The following CFAP299 variants were observed in gnomAD, a reference collection of about 807,000 sequenced individuals.
CFAP299 encodes the protein cilia and flagella associated protein 299.
A neutral mutation model predicts 27.0 loss-of-function variants in CFAP299; 21 were observed. That is an observed-to-expected ratio of 0.78 (90% CI 0.55 to 1.12). The LOEUF (loss-of-function observed/expected upper bound fraction) is 1.12, where lower values mean the gene tolerates loss of function less well. Among genes scored for constraint, CFAP299 ranks in the 50% most tolerant of loss-of-function variants. The probability of loss-of-function intolerance (pLI) is 0.00; values close to 1 mark genes in which losing one functional copy is unlikely to be tolerated. For missense variants in CFAP299, 310 were observed against 276.6 expected, an observed-to-expected ratio of 1.12 and a Z score of -0.86; for synonymous variants, 104 against 98.1, an observed-to-expected ratio of 1.06 and a Z score of -0.36.
intron 2 of CFAP299, among the ~76,000 whole-genome samples, chr4:80,536,092 T>C (rs1201251909): frequency 6.6e-6 from 1 of 152,180 alleles, no homozygotes; most frequent in Non-Finnish European, 1.5e-5. Context: ...ATGGTTAACA[T>C]AATTTTGAGG....
At chr4:80,684,277 G>C (rs904257436) in intron 3 of CFAP299, among the ~76,000 whole-genome samples, 62 of 142,496 alleles carry the variant, frequency 4.4e-4, no homozygotes, top group African/African-American at 9.4e-4. Context: ...TTTTTTTTGG[G>C]GGGGGGGGAC....
At chr4:80,447,552 C>T (rs2110093303) in intron 2 of CFAP299, among the ~76,000 whole-genome samples, 2 of 152,176 alleles carry the variant, frequency 1.3e-5, no homozygotes, top group South Asian at 4.2e-4. Flanking sequence ...CCTGCCTCAG[C>T]TTGTAGCGGT....
chr4:80,446,260 G>A (rs1439116920), intron 2 of CFAP299, among the ~76,000 whole-genome samples: 5 of 152,134 alleles, frequency 3.3e-5, no homozygotes, highest in Non-Finnish European at 5.9e-5. Context: ...GAGGGTCAGG[G>A]GAAAGTGGCA....
At chr4:80,472,141 A>C (rs1730029735) in intron 2 of CFAP299, among the ~76,000 whole-genome samples, 5 of 152,186 alleles carry the variant, frequency 3.3e-5, no homozygotes, top group Admixed American at 3.3e-4. Context: ...CAGGAGAGGG[A>C]GTTGTTTTCA....
intron 3 of CFAP299, among the ~76,000 whole-genome samples, chr4:80,688,452 C>T (rs200266059): frequency 1.1e-4 from 17 of 151,898 alleles, no homozygotes; most frequent in Admixed American, 3.3e-4. Context: ...CACAGCCGGC[C>T]GGGTACTCCA....
rs115147201 is a variant in CFAP299 at position 80,562,551 on chromosome 4, G to A, written c.243-20542G>A. ...CAAATTAAAAATAAAGACTATCCTC[G>A]GGAGGCTGAGCCATGAGAATCATTT... is the stretch of plus-strand genomic sequence containing the variant. On this transcript the variant is annotated intron_variant, in intron 2 of 5. Transcript: ENST00000358105. Among the ~76,000 whole-genome samples the A allele has an allele frequency of 5.7e-3, 866 of 151,190 alleles. 4 individuals are homozygous for A. Among genetic ancestry groups the A allele is most frequent in the Middle Eastern group, 0.028 (8 of 290 alleles).
intron 3 of CFAP299, among the ~76,000 whole-genome samples, chr4:80,701,511 C>A (rs1018224115): frequency 1.3e-5 from 2 of 151,798 alleles, no homozygotes; most frequent in Non-Finnish European, 2.9e-5. Context: ...AGTAATAATC[C>A]TTTTTTTCTT....
chr4:80,703,405 C>G (rs1031725228), intron 3 of CFAP299, among the ~76,000 whole-genome samples: 3 of 151,680 alleles, frequency 2.0e-5, no homozygotes, highest in Admixed American at 6.6e-5. Flanking sequence ...ATACTAGCAT[C>G]TTTCTTGTGA....
intron 2 of CFAP299, chr4:80,386,560 G>A (rs1725017580): frequency 6.3e-7 from 1 of 1,595,866 alleles, no homozygotes; most frequent in South Asian, 1.1e-5. Context: ...CCTTCTGGGG[G>A]CCGAGACGAC....
intron 2 of CFAP299, chr4:80,386,379 A>T (rs1273122198): frequency 1.6e-5 from 24 of 1,507,086 alleles, no homozygotes; most frequent in Non-Finnish European, 2.2e-5. Context: ...CTTGCCCGGG[A>T]CGGCCTCGGG....
intron 3 of CFAP299, among the ~76,000 whole-genome samples, chr4:80,858,790 C>A (rs1418321162): frequency 1.3e-5 from 2 of 152,072 alleles, no homozygotes; most frequent in African/African-American, 4.8e-5. Context: ...GTTATAATTT[C>A]TGTTCTTTTA....
chr4:80,725,799 T>A (rs1723126622), intron 3 of CFAP299, among the ~76,000 whole-genome samples: 1 of 152,240 alleles, frequency 6.6e-6, no homozygotes, highest in Non-Finnish European at 1.5e-5. Context: ...CGTGCTTGAC[T>A]GATACCTGAG....
intron 2 of CFAP299, chr4:80,420,096 G>A: frequency 2.3e-6 from 1 of 427,798 alleles, no homozygotes; most frequent in South Asian, 1.7e-5. Flanking sequence ...AATAGATCAT[G>A]GGAGGGGGAG....
intron 4 of CFAP299, among the ~76,000 whole-genome samples, chr4:80,931,170 AGTGAG>A (rs1560481696): frequency 3.3e-5 from 5 of 151,938 alleles, no homozygotes; most frequent in East Asian, 1.9e-4. Flanking sequence ...TGAGTGAGTG[AGTGAG>A]TGAGTGAGTG....
chr4:80,455,995 A>G (rs11725262), intron 2 of CFAP299, among the ~76,000 whole-genome samples: 9,850 of 152,272 alleles, frequency 0.065, 426 homozygotes, highest in Non-Finnish European at 0.097. Flanking sequence ...AATTCTTTGA[A>G]GAAAAATAAA....
chr4:80,418,581 A>G lies in CFAP299; in HGVS notation c.242+55697A>G, dbSNP rs2132270. Reference sequence around the variant, plus strand: ...CATCACACTGTGCAATTGATCTAAAAACAATCAAACTTATTCCTCCTATCT... The same window carrying G: ...CATCACACTGTGCAATTGATCTAAAGACAATCAAACTTATTCCTCCTATCT... On this transcript the variant is annotated intron_variant, in intron 2 of 5. Coordinates refer to ENST00000358105, the MANE Select transcript of CFAP299 (RefSeq NM_152770.3). Among the ~76,000 whole-genome samples the G allele has an allele frequency of 5.7e-3, 867 of 152,272 alleles. 6 individuals are homozygous for G. The highest frequency in any genetic ancestry group is 0.019 in the African/African-American group (804 of 41,556).
At chr4:80,656,553 A>T (rs768494241) in intron 3 of CFAP299, among the ~76,000 whole-genome samples, 1 of 152,066 alleles carries the variant, frequency 6.6e-6, no homozygotes, top group South Asian at 2.1e-4. Context: ...AAGGACATGA[A>T]CTCATCCTTT....
chr4:80,809,105 A>T (rs1362314902), intron 3 of CFAP299, among the ~76,000 whole-genome samples: 3 of 152,146 alleles, frequency 2.0e-5, no homozygotes, highest in Non-Finnish European at 2.9e-5. Context: ...GCAAAAAATA[A>T]AAAAGCCAAC....
intron 2 of CFAP299, among the ~76,000 whole-genome samples, chr4:80,441,759 G>A (rs1728369336): frequency 6.6e-6 from 1 of 152,148 alleles, no homozygotes; most frequent in South Asian, 2.1e-4. Flanking sequence ...ACACAGACTG[G>A]CAAGTTGGAT....
Sources: allele counts gnomAD v4.1 joint callset (sites outside exome capture counted in the v4.1 genomes callset), GRCh38; gene constraint gnomAD v4.1.1; transcripts MANE v1.5; gene names NCBI Gene and HGNC (gene_info 2026-07-23, HGNC 2026-07-21).